MTDH: variants seen among roughly 807,000 people sequenced by gnomAD.
The protein encoded by MTDH is metadherin.
A neutral mutation model predicts 72.7 loss-of-function variants in MTDH; 34 were observed. The ratio of observed to expected loss-of-function variants is 0.47; its 90% confidence interval spans 0.36 to 0.62. The LOEUF (loss-of-function observed/expected upper bound fraction) is 0.62, where lower values mean the gene tolerates loss of function less well. Among genes scored for constraint, MTDH ranks in the 20% least tolerant of loss-of-function variants. MTDH has a pLI of 0.00. For missense variants in MTDH, 677 were observed against 699.4 expected, an observed-to-expected ratio of 0.97 and a Z score of 0.36; for synonymous variants, 266 against 268.9, an observed-to-expected ratio of 0.99 and a Z score of 0.10.
intron 5 of MTDH, among the ~76,000 whole-genome samples, chr8:97,690,340 A>G (rs1378207612): frequency 6.6e-6 from 1 of 152,074 alleles, no homozygotes; most frequent in East Asian, 1.9e-4. Context: ...AGCTTCCTTC[A>G]TGCCCATGAT....
chr8:97,682,280 A>T (rs7012092), intron 2 of MTDH, among the ~76,000 whole-genome samples: 729 of 3,620 alleles, frequency 0.2, 74 homozygotes, highest in East Asian at 0.5. Flanking sequence ...ATATATATAT[A>T]TTTTTTTTTT....
chr8:97,727,005 G>A lies in MTDH; in HGVS notation c.*2335G>A, dbSNP rs1815380522. The A allele has an allele frequency of 6.6e-6, 1 of 151,248 alleles. No individual in the cohort carries two copies. The highest frequency in any genetic ancestry group is 2.4e-5 in the African/African-American group (1 of 41,114). The allele number at this position is 151,248 out of a possible 1,614,324, so 9.4% of individuals were successfully genotyped here. On this transcript the variant is annotated 3_prime_UTR_variant, in exon 12 of 12. Coordinates refer to ENST00000336273, the MANE Select transcript of MTDH (RefSeq NM_178812.4). ...AAGGCAGAGAATCATTTGAACCCAG[G>A]AGACGGAGTTTGCAAAGCCAAGATC...
chr8:97,690,930 T>C (rs1267337302), intron 5 of MTDH, 22 bp from the exon 6 acceptor site: 1 of 1,540,222 alleles, frequency 6.5e-7, no homozygotes, highest in Non-Finnish European at 8.9e-7. Context: ...TGTTTTTTAA[T>C]ATTCATTTTC....
chr8:97,650,216 A>G (rs1391006916), intron 1 of MTDH, among the ~76,000 whole-genome samples: 1 of 151,856 alleles, frequency 6.6e-6, no homozygotes, highest in Non-Finnish European at 1.5e-5. Flanking sequence ...TCAGCCTCCC[A>G]AAGTGCTGGG....
chr8:97,694,065 G>A (rs957725352), intron 6 of MTDH, among the ~76,000 whole-genome samples: 19 of 152,118 alleles, frequency 1.2e-4, no homozygotes, highest in Non-Finnish European at 1.9e-4. Context: ...TTAAACATAC[G>A]ATTTTTTCTC....
chr8:97,713,332 G>A (rs1007701316), intron 8 of MTDH, among the ~76,000 whole-genome samples: 2 of 151,950 alleles, frequency 1.3e-5, no homozygotes, highest in East Asian at 1.9e-4. Flanking sequence ...TGATCCGCCC[G>A]CCTCGGCCTC....
At chr8:97,680,561 A>G (rs976332178) in intron 2 of MTDH, among the ~76,000 whole-genome samples, 2 of 152,134 alleles carry the variant, frequency 1.3e-5, no homozygotes, top group Admixed American at 6.6e-5. Context: ...TAACACAAAG[A>G]TTTTTTTCTA....
chr8:97,697,150 A>ATATATATTTTT, intron 6 of MTDH, among the ~76,000 whole-genome samples: 26 of 68,764 alleles, frequency 3.8e-4, no homozygotes, highest in African/African-American at 9.1e-4. Flanking sequence ...ATATATATAT[A>ATATATATTTTT]TTTTTTTTTT....
At chr8:97,708,750 T>C (rs1814490826) in intron 8 of MTDH, among the ~76,000 whole-genome samples, 1 of 148,520 alleles carries the variant, frequency 6.7e-6, no homozygotes, top group African/African-American at 2.5e-5. Context: ...CAGGCATGCA[T>C]CACCATGCCC....
intron 1 of MTDH, among the ~76,000 whole-genome samples, chr8:97,657,843 C>T (rs1368188533): frequency 6.6e-6 from 1 of 152,172 alleles, no homozygotes; most frequent in Non-Finnish European, 1.5e-5. Context: ...TATTGACAAT[C>T]ACAAGGGTAG....
At chr8:97,704,056 T>C (rs1814249016) in intron 7 of MTDH, among the ~76,000 whole-genome samples, 2 of 152,226 alleles carry the variant, frequency 1.3e-5, no homozygotes, top group African/African-American at 4.8e-5. Flanking sequence ...AATTTAGAAA[T>C]ACAGGAAGGA....
chr8:97,671,580 G>A (rs1177610742), intron 2 of MTDH, among the ~76,000 whole-genome samples: 1 of 151,910 alleles, frequency 6.6e-6, no homozygotes, highest in East Asian at 1.9e-4. Context: ...AAAGGCTCTT[G>A]GCCAGGCACA....
chr8:97,685,879 G>A (rs535369666), intron 2 of MTDH, among the ~76,000 whole-genome samples: 1 of 152,218 alleles, frequency 6.6e-6, no homozygotes, highest in East Asian at 1.9e-4. Flanking sequence ...TCTTTTGGAA[G>A]CACTTATTGA....
chr8:97,668,907 T>C (rs1360063812), intron 2 of MTDH, among the ~76,000 whole-genome samples: 1 of 151,948 alleles, frequency 6.6e-6, no homozygotes, highest in East Asian at 1.9e-4. Context: ...GTAATGTTTT[T>C]CCCTCCTCTA....
At chr8:97,706,584 G>T in intron 7 of MTDH, 42 bp from the exon 8 acceptor site, 1 of 1,463,992 alleles carries the variant, frequency 6.8e-7, no homozygotes, top group South Asian at 1.4e-5. Flanking sequence ...TTTAATTTAT[G>T]GCAAAAATGA....
intron 1 of MTDH, among the ~76,000 whole-genome samples, chr8:97,657,547 A>G (rs894556289): frequency 3.3e-5 from 5 of 151,118 alleles, no homozygotes; most frequent in African/African-American, 1.2e-4. Context: ...TTTTTTGCCC[A>G]GGCTAGAGTA....
chr8:97,729,354 C>G lies in MTDH; in HGVS notation c.*4684C>G, dbSNP rs1441882397. Reference sequence around the variant, plus strand: ...AAGAACACTTCTTGGAAGTTACACACAATACATAAACTTCAATTTCAAACA... The same window carrying G: ...AAGAACACTTCTTGGAAGTTACACAGAATACATAAACTTCAATTTCAAACA... On this transcript the variant is annotated 3_prime_UTR_variant, in exon 12 of 12. Transcript: ENST00000336273. Among the ~76,000 whole-genome samples, 1 of 152,112 alleles carries G rather than the reference C, an allele frequency of 6.6e-6. No individual in the cohort carries two copies. Among genetic ancestry groups the G allele is most frequent in the Non-Finnish European group, 1.5e-5 (1 of 68,008 alleles).
chr8:97,663,852 A>G (rs376487936), intron 2 of MTDH, among the ~76,000 whole-genome samples: 1 of 152,006 alleles, frequency 6.6e-6, no homozygotes, highest in Non-Finnish European at 1.5e-5. Flanking sequence ...TATTATATCC[A>G]TCTTACAAAT....
In MTDH at chr8:97,651,769, T is replaced by C. The variant is rs183089404; in HGVS notation, c.381+6882T>C. Among the ~76,000 whole-genome samples, 294 of 152,346 alleles carry C rather than the reference T, an allele frequency of 1.9e-3. 2 individuals carry two copies. Among genetic ancestry groups the C allele is most frequent in the Middle Eastern group, 0.014 (4 of 294 alleles). On this transcript the variant is annotated intron_variant, in intron 1 of 11. Coordinates refer to ENST00000336273, the MANE Select transcript of MTDH (RefSeq NM_178812.4). Reference sequence around the variant, plus strand: ...TGTCTACATGTATGCTTGATTTCTCTGATTGGGAGTCTGATACGTATCTCA... The same window carrying C: ...TGTCTACATGTATGCTTGATTTCTCCGATTGGGAGTCTGATACGTATCTCA...
Sources: gnomAD v4.1 joint callset for allele counts (sites outside exome capture counted in the v4.1 genomes callset) on GRCh38, gnomAD v4.1.1 for gene constraint, MANE v1.5 for transcripts, NCBI Gene and HGNC (gene_info 2026-07-23, HGNC 2026-07-21) for gene names.